Variants in PHKB observed in about 807,000 individuals in gnomAD.
PHKB encodes the protein phosphorylase kinase regulatory subunit beta, also known as phosphorylase b kinase regulatory subunit beta.
In PHKB, 122 loss-of-function variants were observed where a neutral mutation model predicts 152.1. The ratio of observed to expected loss-of-function variants is 0.80; its 90% confidence interval spans 0.69 to 0.93. PHKB has a LOEUF of 0.93. Among genes scored for constraint, PHKB ranks in the 40% least tolerant of loss-of-function variants. The pLI, the probability that PHKB is intolerant of heterozygous loss-of-function variation, is 0.00. For missense variants in PHKB, 1,304 were observed against 1,328.4 expected (o/e 0.98, Z 0.29); for synonymous variants, 436 against 464.9 (o/e 0.94, Z 0.80).
At chr16:47,648,372 G>GT (rs1234863457) in intron 16 of PHKB, among the ~76,000 whole-genome samples, 161 bp from the exon 17 acceptor site, 1 of 152,150 alleles carries the variant, frequency 6.6e-6, no homozygotes, top group Non-Finnish European at 1.5e-5. Flanking sequence ...CAAAATCTAA[G>GT]TTGACATCTT....
chr16:47,548,677 G>A (rs1971217984), intron 7 of PHKB, among the ~76,000 whole-genome samples: 1 of 151,076 alleles, frequency 6.6e-6, no homozygotes, highest in Non-Finnish European at 1.5e-5. Flanking sequence ...TCTATTTTAT[G>A]ATAGACTAAT....
intron 14 of PHKB, among the ~76,000 whole-genome samples, chr16:47,628,782 G>C (rs1218246123): frequency 1.3e-5 from 2 of 152,120 alleles, no homozygotes; most frequent in African/African-American, 4.8e-5. Context: ...ATACTGCAAG[G>C]CTGCAGTAAC....
At chr16:47,698,229 A>G (rs1974184590) in intron 29 of PHKB, among the ~76,000 whole-genome samples, 1 of 152,214 alleles carries the variant, frequency 6.6e-6, no homozygotes, top group South Asian at 2.1e-4. Flanking sequence ...ACTGATGAAA[A>G]AACATTTCTA....
At chr16:47,510,897 T>A (rs1193185029) in intron 4 of PHKB, among the ~76,000 whole-genome samples, 1 of 152,194 alleles carries the variant, frequency 6.6e-6, no homozygotes, top group Admixed American at 6.5e-5. Context: ...AATTCATTTT[T>A]TTGTTCTTAT....
intron 13 of PHKB, among the ~76,000 whole-genome samples, chr16:47,609,848 A>C (rs914104591): frequency 6.6e-6 from 1 of 151,930 alleles, no homozygotes; most frequent in Admixed American, 6.6e-5. Context: ...AGTTTTATTG[A>C]GCTTTTTAAG....
At chr16:47,599,324 C>T (rs761075056) in intron 13 of PHKB, among the ~76,000 whole-genome samples, 38 of 152,020 alleles carry the variant, frequency 2.5e-4, no homozygotes, top group Non-Finnish European at 4.9e-4. Context: ...CTTCTTTATC[C>T]TGCTTTTTGC....
intron 26 of PHKB, among the ~76,000 whole-genome samples, chr16:47,677,801 G>A (rs1407980609): frequency 2.0e-5 from 3 of 151,346 alleles, no homozygotes; most frequent in Admixed American, 2.0e-4. Flanking sequence ...TAAGTTTTAG[G>A]TTACATGTGC....
intron 18 of PHKB, 41 bp from the exon 19 acceptor site, chr16:47,650,503 A>T: frequency 8.8e-7 from 1 of 1,131,690 alleles, no homozygotes; most frequent in Non-Finnish European, 1.4e-6. Context: ...TGTTCATCTT[A>T]GATACTGTGC....
chr16:47,677,658 C>G (rs1207895222), intron 26 of PHKB, among the ~76,000 whole-genome samples: 1 of 152,128 alleles, frequency 6.6e-6, no homozygotes, highest in Non-Finnish European at 1.5e-5. Context: ...TCCCAAAGAC[C>G]CCATCTCCAG....
chr16:47,683,199 T>C (rs1307599072), intron 26 of PHKB, among the ~76,000 whole-genome samples: 2 of 152,226 alleles, frequency 1.3e-5, no homozygotes, highest in Non-Finnish European at 2.9e-5. Context: ...CCAGTTAGGC[T>C]GCTCGGGGGT....
chr16:47,650,396 C>T (rs1973214252), intron 18 of PHKB, 148 bp from the exon 19 acceptor site: 2 of 676,592 alleles, frequency 3.0e-6, no homozygotes, highest in Non-Finnish European at 5.4e-6. Flanking sequence ...TAGAGTACTT[C>T]TACCCCTAAG....
At chr16:47,550,413 A>C (rs1971251132) in intron 7 of PHKB, among the ~76,000 whole-genome samples, 1 of 152,166 alleles carries the variant, frequency 6.6e-6, no homozygotes, top group Admixed American at 6.5e-5. Flanking sequence ...TGTTCTCATA[A>C]TTTCAGACAG....
At chr16:47,573,842 TTCTGTGAGGTC>T (rs1971703928) in intron 7 of PHKB, among the ~76,000 whole-genome samples, 1 of 152,236 alleles carries the variant, frequency 6.6e-6, no homozygotes, top group African/African-American at 2.4e-5. Context: ...GCTGGCAGAA[TTCTGTGAGGTC>T]CCTTATGAAG....
intron 26 of PHKB, among the ~76,000 whole-genome samples, chr16:47,678,229 T>C (rs1973773507): frequency 6.6e-6 from 1 of 152,070 alleles, no homozygotes; most frequent in South Asian, 2.1e-4. Flanking sequence ...ACAATAAACA[T>C]ATGTATGCAT....
At chr16:47,544,290 T>G (rs1487899865) in intron 6 of PHKB, among the ~76,000 whole-genome samples, 3 of 152,218 alleles carry the variant, frequency 2.0e-5, no homozygotes, top group Non-Finnish European at 4.4e-5. Flanking sequence ...ACGTTGTGTC[T>G]TTGTTTTCGT....
chr16:47,517,430 T>C (rs1970616990), intron 6 of PHKB, among the ~76,000 whole-genome samples: 1 of 152,014 alleles, frequency 6.6e-6, no homozygotes, highest in East Asian at 1.9e-4. Context: ...TAATTTCTTT[T>C]GTATTTTTTG....
intron 10 of PHKB, among the ~76,000 whole-genome samples, chr16:47,589,613 C>T (rs934351845): frequency 6.6e-6 from 1 of 152,150 alleles, no homozygotes; most frequent in East Asian, 1.9e-4. Flanking sequence ...ATATAGTCCT[C>T]TAAATGTTTA....
chr16:47,648,952 T>A (rs1973184183), intron 17 of PHKB, 148 bp from the exon 18 acceptor site: 2 of 643,756 alleles, frequency 3.1e-6, no homozygotes, highest in Non-Finnish European at 5.5e-6. Flanking sequence ...TAAAAATTTT[T>A]AAATATTATC....
At chr16:47,465,372 A>T (rs1402444159) in intron 1 of PHKB, among the ~76,000 whole-genome samples, 1 of 152,230 alleles carries the variant, frequency 6.6e-6, no homozygotes, top group African/African-American at 2.4e-5. Flanking sequence ...GATAGCTTTT[A>T]TGCATCAACA....
Sources: gnomAD v4.1 joint callset for allele counts (sites outside exome capture counted in the v4.1 genomes callset) on GRCh38, gnomAD v4.1.1 for gene constraint, MANE v1.5 for transcripts, NCBI Gene and HGNC (gene_info 2026-07-23, HGNC 2026-07-21) for gene names.